The following LSP1 variants were observed in gnomAD, a reference collection of about 807,000 sequenced individuals.
LSP1 encodes lymphocyte-specific protein 1.
A neutral mutation model predicts 49.3 loss-of-function variants in LSP1; 32 were observed. That is an observed-to-expected ratio of 0.65 (90% CI 0.49 to 0.87). The LOEUF is 0.87. Among genes scored for constraint, LSP1 ranks in the 40% least tolerant of loss-of-function variants. LSP1 has a pLI of 0.00. For missense variants in LSP1, 428 were observed against 442.6 expected, an observed-to-expected ratio of 0.97 and a Z score of 0.30; for synonymous variants, 179 against 178.8, an observed-to-expected ratio of 1.00 and a Z score of -0.01.
chr11:1,882,331 G>T (rs1222187729), intron 3 of LSP1, among the ~76,000 whole-genome samples: 3 of 152,172 alleles, frequency 2.0e-5, no homozygotes, highest in Non-Finnish European at 4.4e-5. Flanking sequence ...CCATGGCTGG[G>T]CTGACAGTTC....
Position 1,853,138 on chromosome 11 carries a change from C to A in LSP1, c.-7C>A, listed in dbSNP as rs1847401748. The A allele has an allele frequency of 6.2e-7, 1 of 1,609,626 alleles. No individual in the cohort carries two copies. The highest frequency in any genetic ancestry group is 8.5e-7 in the Non-Finnish European group (1 of 1,178,710). ...CCAGCACCCTGTGGGGCCCAGACTACAGGCTGATGGCGGAGGCTTCGAGTG... is the reference window on the plus strand; with the variant it reads ...CCAGCACCCTGTGGGGCCCAGACTAAAGGCTGATGGCGGAGGCTTCGAGTG... On this transcript the variant is annotated 5_prime_UTR_variant, in exon 1 of 11. Transcript: ENST00000311604.
chr11:1,884,176 A>T lies in LSP1; in HGVS notation c.592-104A>T, dbSNP rs1848661051. On this transcript the variant is annotated intron_variant, in intron 5 of 10. Transcript: ENST00000311604. This position sits in a 1 kb window ranked among gnomAD's most constrained non-coding sequence, Gnocchi z 4.1. ...GCCCGGTGCTCAGCGAACCCCCATG[A>T]TATAAGGGTTGGGGGTTGGATTAGT... 6.9e-7 allele frequency: 1 copy of T among 1,454,772 alleles called. No homozygotes were observed. Among genetic ancestry groups the T allele is most frequent in the South Asian group, 1.1e-5 (1 of 87,738 alleles). 90.1% of individuals were successfully genotyped at this position (1,454,772 alleles called of 1,614,324 possible).
At chr11:1,872,754 T>G (rs1848097318) in intron 1 of LSP1, among the ~76,000 whole-genome samples, 1 of 150,572 alleles carries the variant, frequency 6.6e-6, no homozygotes, top group African/African-American at 2.5e-5. Context: ...CCGGCTGGCG[T>G]GGGCACCTTT....
Position 1,853,185 on chromosome 11 carries a change from A to G in LSP1, c.41A>G (p.Glu14Gly), listed in dbSNP as rs1466007447. 8 of 1,610,840 alleles carry G rather than the reference A, an allele frequency of 5.0e-6. No homozygotes were observed. The highest frequency in any genetic ancestry group is 2.2e-5 in the East Asian group (1 of 44,746). ...ASSDPGAEER[E>G]ELLGPTAQWS... ...AGTGACCCGGGTGCCGAGGAGCGGG[A>G]AGAGTTGCTGGGGTAAGGGTCTGCG... Residue 14 changes from glutamate (E) to glycine (G), a missense_variant, in exon 1 of 11, where the codon GAA (glutamate) becomes GGA (glycine). Transcript: ENST00000311604.
chr11:1,866,486 C>T (rs1020037001), intron 1 of LSP1: 8 of 1,488,488 alleles, frequency 5.4e-6, no homozygotes, highest in Non-Finnish European at 6.3e-6. Flanking sequence ...TGGCTCCGAT[C>T]TGGTCCCCAC....
Position 1,883,476 on chromosome 11 carries a change from G to T in LSP1, c.414G>T (p.Leu138Phe). 5.0e-6 allele frequency: 8 copies of T among 1,614,108 alleles called. No individual in the cohort carries two copies. The highest frequency in any genetic ancestry group is 6.8e-6 in the Non-Finnish European group (8 of 1,180,016). ...EDSDEVHLEE[L>F]SLSKEGPGPE... ...GTGATGAAGTCCACCTGGAGGAGTT[G>T]AGTCTGAGCAAGGAGGGGCCAGGCC... Residue 138 changes from leucine to phenylalanine, a missense_variant, in exon 4 of 11, where the codon TTG becomes TTT. Transcript: ENST00000311604.
intron 1 of LSP1, among the ~76,000 whole-genome samples, chr11:1,858,145 C>T (rs377403742): frequency 2.6e-5 from 4 of 152,198 alleles, no homozygotes; most frequent in African/African-American, 9.7e-5. Context: ...AGACGGAAAC[C>T]GAGGCTCACA....
At chr11:1,871,668 G>A (rs1384135999) in intron 1 of LSP1, among the ~76,000 whole-genome samples, 1 of 152,256 alleles carries the variant, frequency 6.6e-6, no homozygotes, top group Non-Finnish European at 1.5e-5. Context: ...CGCTGCACGG[G>A]CACCCCTCCT....
At position 1,887,145 on chromosome 11, in the gene LSP1, A is replaced by G. The variant is rs1848788056; in HGVS notation, c.853-92A>G. The G allele has an allele frequency of 2.4e-6, 3 of 1,231,780 alleles. No homozygotes were observed. In the South Asian group the frequency reaches 4.2e-5, roughly 17 times the overall value. 76.3% of individuals were successfully genotyped at this position (1,231,780 alleles called of 1,614,324 possible). On this transcript the variant is annotated intron_variant, in intron 8 of 10. Coordinates refer to ENST00000311604, the MANE Select transcript of LSP1 (RefSeq NM_002339.3). ...TAGGCAGATCCCAGGCCCCCTGGCC[A>G]GGTAAGGCAAGGCGGGAGAGAAGGG...
chr11:1,870,933 C>G, intron 1 of LSP1: 1 of 985,694 alleles, frequency 1.0e-6, no homozygotes, highest in Non-Finnish European at 1.2e-6. Context: ...CGAGGGCCGT[C>G]GAGCAAAGGC....
intron 9 of LSP1, 58 bp downstream of exon 9, chr11:1,887,372 G>A: frequency 1.3e-6 from 2 of 1,586,144 alleles, no homozygotes; most frequent in East Asian, 4.5e-5. Flanking sequence ...AGGGCAAAGA[G>A]GGACTGTCCT....
intron 1 of LSP1, among the ~76,000 whole-genome samples, chr11:1,867,368 C>T (rs1242176950): frequency 6.9e-6 from 1 of 145,250 alleles, no homozygotes; most frequent in Non-Finnish European, 1.5e-5. Flanking sequence ...CACACATGCA[C>T]ACACACACGA....
intron 1 of LSP1, among the ~76,000 whole-genome samples, chr11:1,874,075 GAGGGAGGCCGGCAGAGC>G (rs1478158254): frequency 8.4e-6 from 1 of 119,024 alleles, no homozygotes; most frequent in African/African-American, 3.1e-5. Context: ...GCCGGCAGAG[GAGGGAGGCCGGCAGAGC>G]AGGGAGGCCG....
intron 1 of LSP1, chr11:1,866,584 T>C (rs775796745): frequency 5.1e-5 from 79 of 1,545,066 alleles, no homozygotes; most frequent in Non-Finnish European, 4.2e-5. Flanking sequence ...CATCCCAGCC[T>C]CCCCCTACCC....
chr11:1,869,538 G>A (rs142594928), intron 1 of LSP1: 24 of 433,658 alleles, frequency 5.5e-5, no homozygotes, highest in East Asian at 3.6e-4. Context: ...TGAGGGTCCC[G>A]GGCACTGCCC....
At chr11:1,890,415 G>A (rs1267593504) in intron 10 of LSP1, 4 of 717,106 alleles carry the variant, frequency 5.6e-6, no homozygotes, top group East Asian at 2.7e-5. Flanking sequence ...CCTGGGTGGA[G>A]CGAGGTGTGT....
At chr11:1,867,001 C>T (rs1422269733) in intron 1 of LSP1, 33 of 1,288,880 alleles carry the variant, frequency 2.6e-5, no homozygotes, top group African/African-American at 9.0e-5. Flanking sequence ...ACACTGAAGC[C>T]GCGTGGGCCC....
At chr11:1,889,126 G>A (rs545299176) in intron 10 of LSP1, 2 of 625,588 alleles carry the variant, frequency 3.2e-6, no homozygotes, top group South Asian at 1.8e-5. Flanking sequence ...CCTGGGCTCT[G>A]GGGGCCATTC....
chr11:1,889,507 G>T, intron 10 of LSP1: 2 of 617,618 alleles, frequency 3.2e-6, no homozygotes, highest in Non-Finnish European at 5.9e-6. Flanking sequence ...CTCTGCCGCG[G>T]CTCTGGGCAC....
Sources: gnomAD v4.1 joint callset for allele counts (sites outside exome capture counted in the v4.1 genomes callset) on GRCh38, gnomAD v4.1.1 for gene constraint, Gnocchi (gnomAD v3.1) non-coding constraint, MANE v1.5 for transcripts, NCBI Gene and HGNC (gene_info 2026-07-23, HGNC 2026-07-21) for gene names.